DNAJC1: variants seen among roughly 807,000 people sequenced by gnomAD.
DNAJC1 encodes the protein DnaJ heat shock protein family (Hsp40) member C1, also known as dnaJ homolog subfamily C member 1.
Under a neutral mutation model 76.6 loss-of-function variants are expected in DNAJC1, and 58 were observed. The observed-to-expected ratio is 0.76, with a 90% CI of 0.61 to 0.94. DNAJC1 has a LOEUF of 0.94. DNAJC1 is among the 40% of genes least tolerant of loss of function. The pLI, the probability that DNAJC1 is intolerant of heterozygous loss-of-function variation, is 0.00. For synonymous variants in DNAJC1, 258 were observed against 267.9 expected (o/e 0.96, Z 0.36); for missense variants, 689 against 677.3 (o/e 1.02, Z -0.19).
intron 1 of DNAJC1, among the ~76,000 whole-genome samples, chr10:21,986,307 C>A (rs1838247058): frequency 6.6e-6 from 1 of 152,242 alleles, no homozygotes; most frequent in Non-Finnish European, 1.5e-5. Context: ...CACATCCTCA[C>A]CAGTGCTTTT....
At chr10:21,805,682 T>C (rs1207820808) in intron 9 of DNAJC1, among the ~76,000 whole-genome samples, 2 of 152,142 alleles carry the variant, frequency 1.3e-5, no homozygotes, top group Non-Finnish European at 2.9e-5. Flanking sequence ...GAGAACTATT[T>C]TTTCCACAGT....
At chr10:21,770,650 C>T (rs1206174442) in intron 9 of DNAJC1, among the ~76,000 whole-genome samples, 13 of 152,134 alleles carry the variant, frequency 8.5e-5, no homozygotes, top group African/African-American at 1.4e-4. Context: ...CCGCCCGCCT[C>T]GGCCTCCCAA....
intron 7 of DNAJC1, among the ~76,000 whole-genome samples, chr10:21,893,985 G>A (rs936412606): frequency 6.6e-6 from 1 of 152,022 alleles, no homozygotes; most frequent in African/African-American, 2.4e-5. Context: ...AGGGCATGTA[G>A]ACATCAAAAG....
intron 7 of DNAJC1, among the ~76,000 whole-genome samples, chr10:21,890,564 A>G (rs79360391): frequency 3.3e-3 from 504 of 152,180 alleles, no homozygotes; most frequent in Non-Finnish European, 6.0e-3. Context: ...TCCTCCTTCC[A>G]GGCAGCGGTT....
intron 9 of DNAJC1, among the ~76,000 whole-genome samples, chr10:21,773,072 A>C (rs1365647803): frequency 1.3e-5 from 2 of 152,176 alleles, no homozygotes; most frequent in Non-Finnish European, 2.9e-5. Flanking sequence ...TCCCACAAGG[A>C]CCCACCTCCG....
intron 1 of DNAJC1, among the ~76,000 whole-genome samples, chr10:21,983,226 T>C (rs1000988253): frequency 3.3e-5 from 5 of 151,968 alleles, no homozygotes; most frequent in Non-Finnish European, 5.9e-5. Flanking sequence ...CAAAAATAGA[T>C]AAACGGATAA....
intron 8 of DNAJC1, among the ~76,000 whole-genome samples, chr10:21,831,789 CAAAAAA>C (rs141184526): frequency 9.0e-6 from 1 of 111,396 alleles, no homozygotes; most frequent in Admixed American, 1.0e-4. Flanking sequence ...GACTCCATCT[CAAAAAA>C]AAAAAAAAAA....
chr10:21,913,174 G>A (rs1274625072), intron 6 of DNAJC1, among the ~76,000 whole-genome samples: 2 of 151,868 alleles, frequency 1.3e-5, no homozygotes, highest in African/African-American at 2.4e-5. Context: ...GAAAAGATGG[G>A]ACTGGAACTT....
chr10:21,951,894 G>A (rs1277735542), intron 1 of DNAJC1, among the ~76,000 whole-genome samples: 2 of 152,176 alleles, frequency 1.3e-5, no homozygotes, highest in African/African-American at 4.8e-5. Context: ...TGATGTTCTT[G>A]AAATGTGTCC....
intron 8 of DNAJC1, among the ~76,000 whole-genome samples, chr10:21,874,915 C>G (rs557788648): frequency 6.6e-6 from 1 of 152,094 alleles, no homozygotes; most frequent in Non-Finnish European, 1.5e-5. Context: ...GAGTCTTGCT[C>G]TGTCACCCAG....
intron 8 of DNAJC1, among the ~76,000 whole-genome samples, chr10:21,831,835 T>C (rs1835360889): frequency 6.6e-6 from 1 of 151,408 alleles, no homozygotes. Flanking sequence ...GGAACGGTCA[T>C]TCATATCAGC....
chr10:21,942,821 A>AAAAG (rs1191003572), intron 1 of DNAJC1, among the ~76,000 whole-genome samples: 15 of 150,652 alleles, frequency 1.0e-4, no homozygotes, highest in Non-Finnish European at 1.8e-4. Flanking sequence ...AAAAAAAAAA[A>AAAAG]AAAGAAAGAA....
chr10:21,983,443 G>A (rs1838188887), intron 1 of DNAJC1, among the ~76,000 whole-genome samples: 1 of 152,054 alleles, frequency 6.6e-6, no homozygotes, highest in Non-Finnish European at 1.5e-5. Flanking sequence ...AGATTAGAGG[G>A]GCTGGATGCA....
At chr10:21,918,925 G>GA in intron 5 of DNAJC1, 53 bp from the exon 6 acceptor site, 1 of 1,285,496 alleles carries the variant, frequency 7.8e-7, no homozygotes, top group Non-Finnish European at 1.1e-6. Context: ...AATATACAGA[G>GA]AAAGTTGGGA....
chr10:21,840,075 T>A (rs1326489444), intron 8 of DNAJC1, among the ~76,000 whole-genome samples: 1 of 152,166 alleles, frequency 6.6e-6, no homozygotes, highest in African/African-American at 2.4e-5. Context: ...AAACTCTCAA[T>A]AAATTAGGTA....
chr10:21,985,561 T>C lies in DNAJC1; in HGVS notation c.222+17652A>G, dbSNP rs570828415. On this transcript the variant is annotated intron_variant, in intron 1 of 11. Coordinates refer to ENST00000376980, the MANE Select transcript of DNAJC1 (RefSeq NM_022365.4). Reference sequence around the variant, plus strand: ...ACCGTGCCCAGCCACCTGCTTTCCATCTCTATATATTATTTGCCTTTTCTG... The same window carrying C: ...ACCGTGCCCAGCCACCTGCTTTCCACCTCTATATATTATTTGCCTTTTCTG... Among the ~76,000 whole-genome samples, 5 of 152,278 alleles carry C rather than the reference T, an allele frequency of 3.3e-5. No homozygotes were observed. In the East Asian group the frequency reaches 9.7e-4, roughly 29 times the overall value.
rs978756877 is a variant in DNAJC1, at chr10:21,984,897, G to T, written c.222+18316C>A. Among the ~76,000 whole-genome samples, 3 of 152,196 alleles carry T rather than the reference G, an allele frequency of 2.0e-5. 1 individual carries two copies. The South Asian group carries it at 6.2e-4, about 31-fold the overall frequency. ...ACTCAGTTTACACACAGTTGTGTCT[G>T]TGTGTGCATGTGTATGTATGAAGAG... On this transcript the variant is annotated intron_variant, in intron 1 of 11. Transcript: ENST00000376980.
At chr10:21,857,874 CAAAA>C (rs576361665) in intron 8 of DNAJC1, among the ~76,000 whole-genome samples, 1 of 141,088 alleles carries the variant, frequency 7.1e-6, no homozygotes, top group South Asian at 2.3e-4. Flanking sequence ...AACAAACAAA[CAAAA>C]AAAAAAACCG....
Position 21,888,254 on chromosome 10 carries a change from T to C in DNAJC1, c.821-5815A>G, listed in dbSNP as rs113327756. On this transcript the variant is annotated intron_variant, in intron 7 of 11. Transcript: ENST00000376980. Reference sequence around the variant, plus strand: ...AAAATAACAGATGATGCCAAGGTTATGGAGAAAAGGGAACACCTATACACT... The same window carrying C: ...AAAATAACAGATGATGCCAAGGTTACGGAGAAAAGGGAACACCTATACACT... Among the ~76,000 whole-genome samples the C allele has an allele frequency of 6.9e-4, 105 of 152,248 alleles. 1 individual carries two copies. The highest frequency in any genetic ancestry group is 1.1e-3 in the Non-Finnish European group (77 of 68,000).
Sources: allele counts gnomAD v4.1 joint callset (sites outside exome capture counted in the v4.1 genomes callset), GRCh38; gene constraint gnomAD v4.1.1; transcripts MANE v1.5; gene names NCBI Gene and HGNC (gene_info 2026-07-23, HGNC 2026-07-21).